Variants in RFLNA observed in about 807,000 individuals in gnomAD.
The protein encoded by RFLNA is refilin-A.
RFLNA carries 5 observed loss-of-function variants against 7.8 expected under a neutral mutation model. The ratio of observed to expected loss-of-function variants is 0.64; its 90% CI spans 0.34 to 1.35. The LOEUF is 1.35. Ranked by LOEUF, RFLNA falls within the 40% of genes most tolerant of loss-of-function variation. RFLNA has a pLI of 0.04. For missense variants in RFLNA, 278 were observed against 305.5 expected (o/e 0.91, Z 0.67); for synonymous variants, 141 against 131.3 (o/e 1.07, Z -0.50).
chr12:124,313,610 C>T (rs534337809), intron 2 of RFLNA, among the ~76,000 whole-genome samples: 1 of 150,950 alleles, frequency 6.6e-6, no homozygotes, highest in East Asian at 2.0e-4. Context: ...ACCTGGGAGG[C>T]GGAGCTTGCA....
chr12:124,303,857 G>T (rs1037404518), intron 1 of RFLNA, among the ~76,000 whole-genome samples: 2 of 152,198 alleles, frequency 1.3e-5, no homozygotes, highest in Non-Finnish European at 2.9e-5. Context: ...GGGGGTGGGG[G>T]TGGGGAGCGG....
At position 124,295,476 on chromosome 12, in the gene RFLNA, A is replaced by C; in HGVS notation, c.47A>C (p.Glu16Ala). 1 of 1,273,716 alleles carries C rather than the reference A, an allele frequency of 7.9e-7. No homozygotes were observed. Among genetic ancestry groups the C allele is most frequent in the Non-Finnish European group, 9.9e-7 (1 of 1,012,902 alleles). 78.9% of individuals were successfully genotyped at this position (1,273,716 alleles called of 1,614,324 possible). Residue 16 changes from glutamate to alanine, a missense_variant, in exon 1 of 3, where the codon GAG becomes GCG. Transcript: ENST00000546355. ...HLQGMEDSLK[E>A]QGREGLLDSP... ...CAGGGCATGGAGGACAGCCTGAAGG[A>C]GCAGGGCCGGGAGGGCTTGCTGGAC... is the stretch of plus-strand genomic sequence containing the variant.
At chr12:124,302,993 C>T (rs73223551) in intron 1 of RFLNA, among the ~76,000 whole-genome samples, 1 of 152,000 alleles carries the variant, frequency 6.6e-6, no homozygotes, top group Admixed American at 6.6e-5. Flanking sequence ...GGAGGGGGGG[C>T]TCTGGGTACC....
chr12:124,290,948 C>T (rs2033816109), upstream of RFLNA, among the ~76,000 whole-genome samples: 1 of 152,310 alleles, frequency 6.6e-6, no homozygotes, highest in South Asian at 2.1e-4. This position sits in a 1 kb window ranked among gnomAD's most constrained non-coding sequence, Gnocchi z 4.0. Context: ...GGCAAGGAGA[C>T]CCCTTCCTTG....
chr12:124,306,685 C>T lies in RFLNA; in HGVS notation c.208-5133C>T, dbSNP rs995310485. Reference sequence around the variant, plus strand: ...TGGGGGTGCTGCCAGCAGCTGCGTGCTGGGGTTTTTTATAAGGATCAGATG... The same window carrying T: ...TGGGGGTGCTGCCAGCAGCTGCGTGTTGGGGTTTTTTATAAGGATCAGATG... On this transcript the variant is annotated intron_variant, in intron 1 of 2. Transcript: ENST00000546355. The surrounding 1 kb of genome is among the most constrained non-coding windows in gnomAD (Gnocchi z 5.2). 6.6e-6 allele frequency among the ~76,000 whole-genome samples: 1 copy of T among 152,168 alleles called. No homozygotes were observed. Among genetic ancestry groups the T allele is most frequent in the Non-Finnish European group, 1.5e-5 (1 of 68,036 alleles).
At position 124,304,608 on chromosome 12, in the gene RFLNA, G is replaced by A. The variant is rs146979709; in HGVS notation, c.208-7210G>A. On this transcript the variant is annotated intron_variant, in intron 1 of 2. Coordinates refer to ENST00000546355, the MANE Select transcript of RFLNA (RefSeq NM_001365156.1). ...ACCCAAGAGAGATGCCGGGGCGGGG[G>A]CTCTGCCACAGCACAAAGGCTTTGC... Among the ~76,000 whole-genome samples, 1,084 of 152,366 alleles carry A rather than the reference G, an allele frequency of 7.1e-3. 3 individuals are homozygous for A. Among genetic ancestry groups the A allele is most frequent in the South Asian group, 0.012 (58 of 4,834 alleles).
At position 124,295,560 on chromosome 12, in the gene RFLNA, C is replaced by T. The variant is rs985178126; in HGVS notation, c.131C>T (p.Ala44Val). ...PSPSPPFYSL[A>V]PGILDARAGG... ...CCCAGCCCGCCCTTCTACTCCCTGG[C>T]GCCCGGCATCCTCGACGCGCGCGCG... Residue 44 changes from alanine (A) to valine (V), a missense_variant, in exon 1 of 3, where the codon GCG (alanine) becomes GTG (valine). By Grantham distance (64) the Ala-to-Val change is moderately conservative. Coordinates refer to ENST00000546355, the MANE Select transcript of RFLNA (RefSeq NM_001365156.1). The T allele has an allele frequency of 4.2e-6, 5 of 1,194,350 alleles. No individual in the cohort carries two copies. Among genetic ancestry groups the T allele is most frequent in the African/African-American group, 3.5e-5 (2 of 56,972 alleles). The allele number at this position is 1,194,350 out of a possible 1,614,324, so 74.0% of individuals were successfully genotyped here.
chr12:124,314,063 T>A (rs917348614), intron 2 of RFLNA, 129 bp from the exon 3 acceptor site: 41 of 1,242,646 alleles, frequency 3.3e-5, no homozygotes, highest in Middle Eastern at 2.7e-4. Flanking sequence ...GACCTTGACA[T>A]TTCAGAGCAG....
intron 1 of RFLNA, among the ~76,000 whole-genome samples, chr12:124,298,812 C>G (rs960261154): frequency 2.6e-5 from 4 of 152,352 alleles, no homozygotes; most frequent in African/African-American, 9.6e-5. Flanking sequence ...AGGGTACGAA[C>G]TTTACAGTTC....
At chr12:124,295,708 G>T in intron 1 of RFLNA, 72 bp downstream of exon 1, 1 of 1,215,126 alleles carries the variant, frequency 8.2e-7, no homozygotes, top group Non-Finnish European at 1.0e-6. Context: ...CCAGAGACGC[G>T]CGCCACTGCA....
At chr12:124,297,256 G>A (rs2033945549) in intron 1 of RFLNA, among the ~76,000 whole-genome samples, 1 of 152,184 alleles carries the variant, frequency 6.6e-6, no homozygotes, top group Non-Finnish European at 1.5e-5. Context: ...CGCAAGAATA[G>A]CATGGCTGGC....
At position 124,314,846 on chromosome 12, in the gene RFLNA, G is replaced by A; in HGVS notation, c.*321G>A. ...GGGGAAAAGAATGGGTCCATGGAGT[G>A]CCCTTGAAGCAGAGAACAGCCCCGA... On this transcript the variant is annotated 3_prime_UTR_variant, in exon 3 of 3. Transcript: ENST00000546355. 3.9e-6 allele frequency: 2 copies of A among 508,454 alleles called. No individual in the cohort carries two copies. Among genetic ancestry groups the A allele is most frequent in the Non-Finnish European group, 7.6e-6 (2 of 263,368 alleles). The allele number at this position is 508,454 out of a possible 1,614,324, so 31.5% of individuals were successfully genotyped here.
intron 1 of RFLNA, among the ~76,000 whole-genome samples, chr12:124,310,255 TCAC>T (rs1322614894): frequency 5.7e-5 from 8 of 140,796 alleles, no homozygotes; most frequent in Non-Finnish European, 1.2e-4. Context: ...TTCAAGATGC[TCAC>T]TTTGCTGGGC....
intron 2 of RFLNA, 100 bp from the exon 3 acceptor site, chr12:124,314,092 C>G: frequency 1.4e-6 from 2 of 1,434,902 alleles, no homozygotes; most frequent in Non-Finnish European, 1.9e-6. Flanking sequence ...CGTTAGGCTT[C>G]AGAGCATCTG....
upstream of RFLNA, among the ~76,000 whole-genome samples, chr12:124,290,467 A>G (rs907633025): frequency 6.7e-6 from 1 of 149,124 alleles, no homozygotes; most frequent in Non-Finnish European, 1.5e-5. This position sits in a 1 kb window ranked among gnomAD's most constrained non-coding sequence, Gnocchi z 4.0. Flanking sequence ...TATTTGTGTT[A>G]TGTGTGTGCT....
intron 1 of RFLNA, among the ~76,000 whole-genome samples, chr12:124,309,906 C>T (rs181174402): frequency 1.3e-5 from 2 of 152,176 alleles, no homozygotes; most frequent in East Asian, 1.9e-4. Flanking sequence ...TGGTGGCTCA[C>T]GCCTGCAGTT....
At chr12:124,305,830 GT>G (rs758617683) in intron 1 of RFLNA, among the ~76,000 whole-genome samples, 91 of 152,302 alleles carry the variant, frequency 6.0e-4, no homozygotes, top group Non-Finnish European at 1.1e-3. Flanking sequence ...TTTGGGGGCT[GT>G]TGTTCAGCAT....
At chr12:124,303,412 G>A (rs970950867) in intron 1 of RFLNA, among the ~76,000 whole-genome samples, 3 of 152,182 alleles carry the variant, frequency 2.0e-5, no homozygotes, top group African/African-American at 7.2e-5. Flanking sequence ...CACCCTCCAG[G>A]GCCCGTCCTG....
rs1005085150 is a variant in RFLNA, at chr12:124,289,834, G to A, written c.-37+464G>A. ...GCCACCGGGGAACATGCGACTCCCC[G>A]GGGCAGGGAGGCATCCCTGGGCCAG... On this transcript the variant is annotated intron_variant, in intron 1 of 2. Coordinates refer to the RFLNA transcript ENST00000324038. The surrounding 1 kb of genome is among the most constrained non-coding windows in gnomAD (Gnocchi z 5.0). 2.0e-5 allele frequency among the ~76,000 whole-genome samples: 3 copies of A among 152,302 alleles called. No individual in the cohort carries two copies. The highest frequency in any genetic ancestry group is 2.9e-5 in the Non-Finnish European group (2 of 68,018).
Sources: gnomAD v4.1 joint callset for allele counts (sites outside exome capture counted in the v4.1 genomes callset) on GRCh38, gnomAD v4.1.1 for gene constraint, Gnocchi (gnomAD v3.1) non-coding constraint, MANE v1.5 for transcripts, NCBI Gene and HGNC (gene_info 2026-07-23, HGNC 2026-07-21) for gene names.